AGBL1: variants seen among roughly 807,000 people sequenced by gnomAD.
AGBL1 encodes the protein AGBL carboxypeptidase 1.
In AGBL1, 130 loss-of-function variants were observed where a neutral mutation model predicts 118.9. That is an observed-to-expected ratio of 1.09 (90% CI 0.95 to 1.26). AGBL1 has a LOEUF of 1.26. AGBL1 is among the 50% of genes most tolerant of loss of function. AGBL1 has a pLI of 0.00. For missense variants in AGBL1, 1,584 were observed against 1,298.1 expected (o/e 1.22, Z -3.38); for synonymous variants, 555 against 478.9 (o/e 1.16, Z -2.08).
intron 3 of AGBL1, among the ~76,000 whole-genome samples, chr15:86,144,064 G>A (rs1210051357): frequency 2.6e-5 from 4 of 152,146 alleles, no homozygotes; most frequent in African/African-American, 9.7e-5. Flanking sequence ...ACAGAGCCCA[G>A]AACAAACATG....
intron 10 of AGBL1, among the ~76,000 whole-genome samples, chr15:86,263,154 A>C (rs2079019713): frequency 6.6e-6 from 1 of 152,344 alleles, no homozygotes; most frequent in South Asian, 2.1e-4. Flanking sequence ...TGTGCTGCAT[A>C]ATGACATTTC....
intron 21 of AGBL1, among the ~76,000 whole-genome samples, chr15:86,646,496 G>A (rs1326395716): frequency 6.6e-6 from 1 of 151,720 alleles, no homozygotes; most frequent in Non-Finnish European, 1.5e-5. Flanking sequence ...ACTTTTCCTG[G>A]CTCCCTGCCT....
intron 18 of AGBL1, among the ~76,000 whole-genome samples, chr15:86,425,746 ACATG>A (rs1490619294): frequency 6.6e-6 from 1 of 152,198 alleles, no homozygotes; most frequent in Non-Finnish European, 1.5e-5. Context: ...TCCAGGGCCA[ACATG>A]CTATAGTTTC....
chr15:86,591,274 A>C (rs2084330480), intron 21 of AGBL1, among the ~76,000 whole-genome samples: 1 of 152,172 alleles, frequency 6.6e-6, no homozygotes, highest in African/African-American at 2.4e-5. Flanking sequence ...CTGTGATTAC[A>C]TGAGTAAGGG....
At chr15:86,114,093 A>T (rs2141554145) in intron 1 of AGBL1, among the ~76,000 whole-genome samples, 1 of 152,394 alleles carries the variant, frequency 6.6e-6, no homozygotes, top group South Asian at 2.1e-4. Context: ...GGCTTAACAA[A>T]TAGAAATTAT....
rs137915480 is a variant in AGBL1, at chr15:86,196,766, G to A, written c.489-28148G>A. Among the ~76,000 whole-genome samples the A allele has an allele frequency of 3.2e-3, 480 of 152,148 alleles. 14 individuals carry two copies. The South Asian group carries it at 0.054, about 17-fold the overall frequency. On this transcript the variant is annotated intron_variant, in intron 5 of 22. Coordinates refer to ENST00000614907, the MANE Select transcript of AGBL1 (RefSeq NM_001386094.1). ...GGAGTAAAGTTAAGTGAGGTCATAAGGATGAAACCTTAATCCTATAGGACT... is the reference window on the plus strand; with the variant it reads ...GGAGTAAAGTTAAGTGAGGTCATAAAGATGAAACCTTAATCCTATAGGACT...
intron 5 of AGBL1, among the ~76,000 whole-genome samples, chr15:86,186,968 C>G (rs1176845649): frequency 2.0e-5 from 3 of 152,152 alleles, no homozygotes; most frequent in Non-Finnish European, 4.4e-5. Context: ...TCATCCAGCC[C>G]CAGGCTATGC....
intron 18 of AGBL1, among the ~76,000 whole-genome samples, chr15:86,490,779 G>A (rs2082767975): frequency 2.0e-5 from 3 of 152,248 alleles, no homozygotes; most frequent in South Asian, 2.1e-4. Flanking sequence ...AGTGGCACCT[G>A]CTGTATTAAA....
intron 1 of AGBL1, among the ~76,000 whole-genome samples, chr15:86,086,862 G>T (rs1895692718): frequency 6.6e-6 from 1 of 152,214 alleles, no homozygotes; most frequent in Non-Finnish European, 1.5e-5. Context: ...CCATTCTGGA[G>T]TTGGTGATAT....
At chr15:86,804,938 TTTAGA>T (rs2078696830) in intron 22 of AGBL1, among the ~76,000 whole-genome samples, 1 of 151,968 alleles carries the variant, frequency 6.6e-6, no homozygotes, top group Non-Finnish European at 1.5e-5. Flanking sequence ...GTAGGAAAAG[TTTAGA>T]TTAGCCAATA....
intron 7 of AGBL1, among the ~76,000 whole-genome samples, chr15:86,251,155 C>A (rs2078809094): frequency 6.6e-6 from 1 of 152,166 alleles, no homozygotes; most frequent in South Asian, 2.1e-4. Flanking sequence ...ATTATTATCT[C>A]CCTTTTTATA....
chr15:86,487,221 A>G (rs1219437259), intron 18 of AGBL1, among the ~76,000 whole-genome samples: 1 of 152,062 alleles, frequency 6.6e-6, no homozygotes, highest in African/African-American at 2.4e-5. Context: ...CACAGGGTGC[A>G]GCGTTCATCC....
Position 86,142,176 on chromosome 15 carries a change from C to T in AGBL1, c.115+109C>T, listed in dbSNP as rs1396108100. 2.1e-5 allele frequency: 23 copies of T among 1,076,406 alleles called. No individual in the cohort carries two copies. In the East Asian group the frequency reaches 5.2e-4, roughly 25 times the overall value. The allele number at this position is 1,076,406 out of a possible 1,614,324, so 66.7% of individuals were successfully genotyped here. ...GGGGGTTTGCTCTTGCTTCAGTTTC[C>T]TGTGAGAGGCAGCATCACTAGCCCA... On this transcript the variant is annotated intron_variant, in intron 2 of 22. Transcript: ENST00000614907.
chr15:86,285,765 A>G (rs1030332948), intron 16 of AGBL1, among the ~76,000 whole-genome samples: 2 of 152,234 alleles, frequency 1.3e-5, no homozygotes, highest in Non-Finnish European at 2.9e-5. Context: ...TAATAATAAC[A>G]AATTAAAAGA....
intron 22 of AGBL1, among the ~76,000 whole-genome samples, chr15:86,695,149 A>C (rs1274148088): frequency 6.6e-6 from 1 of 151,932 alleles, no homozygotes; most frequent in Non-Finnish European, 1.5e-5. Flanking sequence ...TATGTTGTGG[A>C]ATAGTGTCAA....
chr15:86,324,552 T>G (rs75196490), intron 17 of AGBL1, among the ~76,000 whole-genome samples: 1 of 152,148 alleles, frequency 6.6e-6, no homozygotes, highest in African/African-American at 2.4e-5. Flanking sequence ...CAATTTGTAT[T>G]GGCATCTACT....
chr15:86,173,523 A>G (rs1417027496), intron 5 of AGBL1, among the ~76,000 whole-genome samples: 1 of 152,122 alleles, frequency 6.6e-6, no homozygotes, highest in African/African-American at 2.4e-5. Context: ...TAACCAGACC[A>G]ACCTTCTGAA....
chr15:86,821,485 G>A (rs2078942997), intron 22 of AGBL1, among the ~76,000 whole-genome samples: 1 of 152,102 alleles, frequency 6.6e-6, no homozygotes, highest in African/African-American at 2.4e-5. Context: ...ATAACAGAGA[G>A]GGAATGGAAT....
chr15:86,385,153 A>G (rs1012787712), intron 17 of AGBL1, among the ~76,000 whole-genome samples: 2 of 152,240 alleles, frequency 1.3e-5, no homozygotes, highest in Admixed American at 6.5e-5. Context: ...AGCACCAAAA[A>G]GTCTCACTCA....
Sources: allele counts gnomAD v4.1 joint callset (sites outside exome capture counted in the v4.1 genomes callset), GRCh38; gene constraint gnomAD v4.1.1; transcripts MANE v1.5; gene names NCBI Gene and HGNC (gene_info 2026-07-23, HGNC 2026-07-21).